The following PARD3B variants were observed in gnomAD, a reference collection of about 807,000 sequenced individuals.
PARD3B encodes the protein partitioning defective 3 homolog B.
PARD3B carries 103 observed loss-of-function variants against 130.2 expected under a neutral mutation model. The ratio of observed to expected loss-of-function variants is 0.79; its 90% CI spans 0.67 to 0.93. The LOEUF (loss-of-function observed/expected upper bound fraction) is 0.93, where lower values mean the gene tolerates loss of function less well. PARD3B is among the 40% of genes least tolerant of loss of function. PARD3B has a pLI of 0.00. For missense variants in PARD3B, 1,609 were observed against 1,499.2 expected (o/e 1.07, Z -1.21); for synonymous variants, 583 against 553.2 (o/e 1.05, Z -0.76).
At chr2:204,607,789 G>C (rs1217933323) in intron 1 of PARD3B, among the ~76,000 whole-genome samples, 2 of 152,154 alleles carry the variant, frequency 1.3e-5, no homozygotes, top group Non-Finnish European at 2.9e-5. Context: ...CAGACTTCGC[G>C]AGAGAGGGAT....
intron 12 of PARD3B, among the ~76,000 whole-genome samples, chr2:205,173,625 C>G (rs930917573): frequency 1.3e-5 from 2 of 152,114 alleles, no homozygotes; most frequent in African/African-American, 4.8e-5. Context: ...GTAGCTATAC[C>G]TTTTATGCTC....
chr2:205,235,625 G>A (rs554720734), intron 15 of PARD3B, among the ~76,000 whole-genome samples: 11 of 152,170 alleles, frequency 7.2e-5, no homozygotes, highest in Middle Eastern at 6.8e-3. Flanking sequence ...TATACAGTGC[G>A]GCTACTGTGC....
Position 204,956,108 on chromosome 2 carries a change from T to G in PARD3B, c.223-9044T>G, listed in dbSNP as rs372751608. On this transcript the variant is annotated intron_variant, in intron 2 of 22. Transcript: ENST00000406610. Reference sequence around the variant, plus strand: ...CAGGCCCTTGCCATGCTCTTTGGGCTTATTTAATTGTTGGAGAATGATCTT... The same window carrying G: ...CAGGCCCTTGCCATGCTCTTTGGGCGTATTTAATTGTTGGAGAATGATCTT... Among the ~76,000 whole-genome samples, 9 of 152,224 alleles carry G rather than the reference T, an allele frequency of 5.9e-5. No individual in the cohort carries two copies. The East Asian group carries it at 1.5e-3, about 26-fold the overall frequency.
At chr2:204,803,480 A>G (rs1052739180) in intron 2 of PARD3B, among the ~76,000 whole-genome samples, 7 of 152,116 alleles carry the variant, frequency 4.6e-5, no homozygotes, top group African/African-American at 1.4e-4. Flanking sequence ...ACAACTTTTC[A>G]AGAAATAGAC....
chr2:205,365,911 A>G (rs1216135958), intron 18 of PARD3B, among the ~76,000 whole-genome samples: 1 of 152,248 alleles, frequency 6.6e-6, no homozygotes, highest in Non-Finnish European at 1.5e-5. Context: ...TGTTGGAAAT[A>G]GGATCTTTCC....
intron 1 of PARD3B, among the ~76,000 whole-genome samples, chr2:204,604,184 A>G (rs1022909137): frequency 6.6e-5 from 10 of 152,158 alleles, no homozygotes; most frequent in Non-Finnish European, 1.5e-4. Context: ...AGGAAATAAA[A>G]CAGTCTACTC....
chr2:204,713,524 A>G (rs76554477), intron 2 of PARD3B, among the ~76,000 whole-genome samples: 12,460 of 151,758 alleles, frequency 0.082, 1,180 homozygotes, highest in African/African-American at 0.23. Flanking sequence ...ATTTTCTCCA[A>G]CTCAAGCTCT....
chr2:205,255,206 C>T (rs1377501413), intron 16 of PARD3B, among the ~76,000 whole-genome samples: 2 of 152,026 alleles, frequency 1.3e-5, no homozygotes, highest in Non-Finnish European at 2.9e-5. Flanking sequence ...TCTTGGTGCC[C>T]AGGATTGTTT....
intron 2 of PARD3B, among the ~76,000 whole-genome samples, chr2:204,727,807 T>C (rs996563264): frequency 6.6e-6 from 1 of 152,056 alleles, no homozygotes; most frequent in Non-Finnish European, 1.5e-5. Flanking sequence ...GCATGATCAG[T>C]GGGTGGAGAT....
Position 205,407,839 on chromosome 2 carries a change from T to C in PARD3B, c.2741+6716T>C, listed in dbSNP as rs1294611757. Among the ~76,000 whole-genome samples, 1 of 152,220 alleles carries C rather than the reference T, an allele frequency of 6.6e-6. No individual in the cohort carries two copies. Among genetic ancestry groups the C allele is most frequent in the Non-Finnish European group, 1.5e-5 (1 of 68,038 alleles). On this transcript the variant is annotated intron_variant, in intron 19 of 22. Transcript: ENST00000406610. The surrounding 1 kb of genome is among the most constrained non-coding windows in gnomAD (Gnocchi z 4.1). ...AAAAATTTTAATAACATGAGTTATATACTCCAAAATCTTCCATTACTCTTA... is the reference window on the plus strand; with the variant it reads ...AAAAATTTTAATAACATGAGTTATACACTCCAAAATCTTCCATTACTCTTA...
At chr2:204,828,916 A>G (rs2043694862) in intron 2 of PARD3B, among the ~76,000 whole-genome samples, 1 of 152,210 alleles carries the variant, frequency 6.6e-6, no homozygotes, top group Admixed American at 6.5e-5. Context: ...CTTACAGAAC[A>G]TCTCTTTGAG....
At chr2:205,175,117 C>T (rs2035393351) in intron 12 of PARD3B, among the ~76,000 whole-genome samples, 1 of 152,154 alleles carries the variant, frequency 6.6e-6, no homozygotes, top group Non-Finnish European at 1.5e-5. Context: ...CTCTATTTTA[C>T]AGGCTGAATA....
chr2:204,712,984 A>G (rs2038530036), intron 2 of PARD3B, among the ~76,000 whole-genome samples: 2 of 152,012 alleles, frequency 1.3e-5, no homozygotes. Flanking sequence ...CAGTCAATTT[A>G]TTTTTGGATT....
At chr2:204,866,810 C>T (rs1384348002) in intron 2 of PARD3B, among the ~76,000 whole-genome samples, 2 of 151,880 alleles carry the variant, frequency 1.3e-5, no homozygotes, top group African/African-American at 4.8e-5. Context: ...AAAATATTGT[C>T]ATAATCTCAG....
chr2:204,553,667 T>TCC (rs2030677996), intron 1 of PARD3B, among the ~76,000 whole-genome samples: 1 of 32,324 alleles, frequency 3.1e-5, no homozygotes, highest in Non-Finnish European at 1.1e-4. Context: ...TATATATATA[T>TCC]ATATATATAT....
chr2:205,435,884 C>A lies in PARD3B; in HGVS notation c.2742-4486C>A, dbSNP rs144915336. Among the ~76,000 whole-genome samples, 85 of 152,240 alleles carry A rather than the reference C, an allele frequency of 5.6e-4. 2 individuals carry two copies. The highest frequency in any genetic ancestry group is 3.1e-3 in the East Asian group (16 of 5,186). On this transcript the variant is annotated intron_variant, in intron 19 of 22. Transcript: ENST00000406610. ...AATGAATGTATTGCTTACCTCCAGA[C>A]CTGCTATTCCACAGCTTCACCATTA...
rs1386003620 is a variant in PARD3B at position 205,407,136 on chromosome 2, T to C, written c.2741+6013T>C. Among the ~76,000 whole-genome samples the C allele has an allele frequency of 6.6e-6, 1 of 152,236 alleles. No individual in the cohort carries two copies. The highest frequency in any genetic ancestry group is 1.5e-5 in the Non-Finnish European group (1 of 68,044). ...CATGGCATTGGTTTATGGTAGTGCA[T>C]ACACCATTGTTACCTGAGTGTATAA... On this transcript the variant is annotated intron_variant, in intron 19 of 22. Coordinates refer to ENST00000406610, the MANE Select transcript of PARD3B (RefSeq NM_001302769.2). The surrounding 1 kb of genome is among the most constrained non-coding windows in gnomAD (Gnocchi z 4.1).
intron 12 of PARD3B, 61 bp downstream of exon 12, chr2:205,172,442 TTCCA>T: frequency 6.6e-7 from 1 of 1,507,936 alleles, no homozygotes; most frequent in Non-Finnish European, 9.1e-7. Context: ...ATATGCAGAC[TTCCA>T]TTCCTAGTAT....
At chr2:204,807,717 G>A (rs895550559) in intron 2 of PARD3B, among the ~76,000 whole-genome samples, 3 of 152,092 alleles carry the variant, frequency 2.0e-5, no homozygotes, top group Non-Finnish European at 4.4e-5. Context: ...ATTGTGTTAA[G>A]TGAAATAAGC....
Sources: gnomAD v4.1 joint callset for allele counts (sites outside exome capture counted in the v4.1 genomes callset) on GRCh38, gnomAD v4.1.1 for gene constraint, Gnocchi (gnomAD v3.1) non-coding constraint, MANE v1.5 for transcripts, NCBI Gene and HGNC (gene_info 2026-07-23, HGNC 2026-07-21) for gene names.